SBF2: variants seen among roughly 807,000 people sequenced by gnomAD.
SBF2 encodes the protein myotubularin-related protein 13.
Under a neutral mutation model 225.2 loss-of-function variants are expected in SBF2, and 112 were observed. That is an observed-to-expected ratio of 0.50 (90% CI 0.43 to 0.58). The LOEUF (loss-of-function observed/expected upper bound fraction) is 0.58, where lower values mean the gene tolerates loss of function less well. Ranked by LOEUF, SBF2 falls within the 20% of genes least tolerant of loss-of-function variation. SBF2 has a pLI of 0.00. For synonymous variants in SBF2, 763 were observed against 773.3 expected, an observed-to-expected ratio of 0.99 and a Z score of 0.22; for missense variants, 1,996 against 2,206.2, an observed-to-expected ratio of 0.90 and a Z score of 1.91.
At chr11:10,019,673 A>C (rs1486406885) in intron 6 of SBF2, among the ~76,000 whole-genome samples, 1 of 152,070 alleles carries the variant, frequency 6.6e-6, no homozygotes, top group Non-Finnish European at 1.5e-5. Flanking sequence ...AAAAAAGACG[A>C]CTTCATTTTT....
In SBF2 at chr11:10,031,305, A is replaced by G. The variant is rs1949247650; in HGVS notation, c.280-135T>C. ...ATAATATAATTTTAAAAATCAAACT[A>G]CAAATAAAGAATAGACTTTAAGAGC... is the stretch of plus-strand genomic sequence containing the variant. On this transcript the variant is annotated intron_variant, in intron 3 of 39. Transcript: ENST00000256190. 10 of 832,378 alleles carry G rather than the reference A, an allele frequency of 1.2e-5. No homozygotes were observed. In the South Asian group the frequency reaches 2.0e-4, roughly 17 times the overall value. 51.6% of individuals were successfully genotyped at this position (832,378 alleles called of 1,614,324 possible). A position where few individuals can be genotyped will look rare whatever the true frequency, so the allele number is the denominator to read the frequency against.
chr11:10,212,280 G>C (rs2135385155), intron 1 of SBF2, among the ~76,000 whole-genome samples: 1 of 152,310 alleles, frequency 6.6e-6, no homozygotes, highest in East Asian at 1.9e-4. Context: ...TTCCATGCCT[G>C]ATTTCCACAA....
At chr11:10,256,536 A>G (rs192952948) in intron 1 of SBF2, among the ~76,000 whole-genome samples, 2 of 152,236 alleles carry the variant, frequency 1.3e-5, no homozygotes, top group African/African-American at 4.8e-5. Flanking sequence ...AAAGCATAAC[A>G]ACTGATACAA....
rs150006286 is a variant in SBF2 at position 10,094,018 on chromosome 11, C to T, written c.142-51037G>A. Among the ~76,000 whole-genome samples, 623 of 152,290 alleles carry T rather than the reference C, an allele frequency of 4.1e-3. 1 individual carries two copies. Among genetic ancestry groups the T allele is most frequent in the Non-Finnish European group, 7.0e-3 (474 of 68,022 alleles). On this transcript the variant is annotated intron_variant, in intron 2 of 39. Coordinates refer to ENST00000256190, the MANE Select transcript of SBF2 (RefSeq NM_030962.4). ...ATTTGGAAAGTACTTCTCAGAGTTTCCTAAAAGTTCCTATAAATATATTAA... is the reference window on the plus strand; with the variant it reads ...ATTTGGAAAGTACTTCTCAGAGTTTTCTAAAAGTTCCTATAAATATATTAA...
At chr11:9,914,843 T>C (rs1862939283) in intron 16 of SBF2, among the ~76,000 whole-genome samples, 1 of 144,082 alleles carries the variant, frequency 6.9e-6, no homozygotes, top group Non-Finnish European at 1.5e-5. Context: ...TGGGTCACAA[T>C]GATGTGTTAA....
At chr11:10,169,767 T>C (rs1956114183) in intron 2 of SBF2, among the ~76,000 whole-genome samples, 1 of 152,180 alleles carries the variant, frequency 6.6e-6, no homozygotes, top group Non-Finnish European at 1.5e-5. Flanking sequence ...CTCTTCTCCA[T>C]AGTGGCTTTA....
chr11:10,007,469 A>C (rs9888170), intron 6 of SBF2, among the ~76,000 whole-genome samples: 13,817 of 152,198 alleles, frequency 0.091, 814 homozygotes, highest in East Asian at 0.28. Context: ...CCAAAATTTT[A>C]ATATGATCTA....
intron 1 of SBF2, among the ~76,000 whole-genome samples, chr11:10,241,480 C>CA (rs1425886080): frequency 6.6e-6 from 1 of 151,460 alleles, no homozygotes; most frequent in Admixed American, 6.6e-5. Flanking sequence ...ATTTTTAATA[C>CA]AAAAAAATAT....
intron 14 of SBF2, among the ~76,000 whole-genome samples, chr11:9,967,911 ATCTGTCTG>A (rs1201842155): frequency 1.4e-4 from 20 of 139,750 alleles, no homozygotes; most frequent in Admixed American, 5.7e-4. Flanking sequence ...GTGAAACTCA[ATCTGTCTG>A]TCTGTCTGTC....
intron 1 of SBF2, among the ~76,000 whole-genome samples, chr11:10,224,272 T>C (rs1481054454): frequency 1.3e-5 from 2 of 152,164 alleles, no homozygotes; most frequent in Admixed American, 1.3e-4. Context: ...TCTAAGCTCA[T>C]GTTGTTAAAT....
At chr11:9,887,274 C>T (rs1860411134) in intron 17 of SBF2, among the ~76,000 whole-genome samples, 1 of 151,684 alleles carries the variant, frequency 6.6e-6, no homozygotes, top group Non-Finnish European at 1.5e-5. Flanking sequence ...GTTAATTATT[C>T]ACTGAAGAAC....
At chr11:10,101,625 G>C (rs1952304454) in intron 2 of SBF2, among the ~76,000 whole-genome samples, 1 of 151,234 alleles carries the variant, frequency 6.6e-6, no homozygotes, top group Admixed American at 6.6e-5. Flanking sequence ...ATTCTTACCA[G>C]TCAAAAGTTT....
intron 1 of SBF2, among the ~76,000 whole-genome samples, chr11:10,236,137 G>A (rs917493415): frequency 1.2e-4 from 18 of 151,946 alleles, no homozygotes; most frequent in East Asian, 3.9e-4. Context: ...AAATAAAAAC[G>A]AACAAAGAAT....
At chr11:10,249,065 C>T (rs1400952414) in intron 1 of SBF2, among the ~76,000 whole-genome samples, 1 of 151,452 alleles carries the variant, frequency 6.6e-6, no homozygotes, top group African/African-American at 2.4e-5. Flanking sequence ...CACTGCACTC[C>T]AGCCTGGGTG....
chr11:9,780,624 G>T, intron 39 of SBF2, 108 bp from the exon 40 acceptor site: 1 of 856,730 alleles, frequency 1.2e-6, no homozygotes, highest in Non-Finnish European at 1.9e-6. Flanking sequence ...TACTGCCCCA[G>T]AACGTCTGTA....
chr11:10,104,280 G>T (rs1434224306), intron 2 of SBF2, among the ~76,000 whole-genome samples: 1 of 152,138 alleles, frequency 6.6e-6, no homozygotes, highest in Non-Finnish European at 1.5e-5. Context: ...ATGTGTAACT[G>T]AGAAGAATTT....
chr11:10,014,991 C>A (rs141195857), intron 6 of SBF2, among the ~76,000 whole-genome samples: 3 of 152,090 alleles, frequency 2.0e-5, no homozygotes, highest in African/African-American at 7.2e-5. Context: ...ATTAGCCAGG[C>A]ATGGTGGTGT....
intron 4 of SBF2, 100 bp from the exon 5 acceptor site, chr11:10,029,975 A>G: frequency 2.4e-6 from 2 of 836,186 alleles, no homozygotes; most frequent in Non-Finnish European, 4.1e-6. Context: ...GAACCCAGTA[A>G]AGTATATTAT....
intron 16 of SBF2, 151 bp downstream of exon 16, chr11:9,961,806 A>T (rs1347788844): frequency 2.5e-5 from 15 of 603,934 alleles, no homozygotes; most frequent in Non-Finnish European, 3.6e-5. Context: ...AGTAATAAAA[A>T]AGTATTTGAC....
Sources: gnomAD v4.1 joint callset for allele counts (sites outside exome capture counted in the v4.1 genomes callset) on GRCh38, gnomAD v4.1.1 for gene constraint, MANE v1.5 for transcripts, NCBI Gene and HGNC (gene_info 2026-07-23, HGNC 2026-07-21) for gene names.